The following MAP2K6 variants were observed in gnomAD, a reference collection of about 807,000 sequenced individuals.
MAP2K6 encodes mitogen-activated protein kinase kinase 6.
A neutral mutation model predicts 53.7 loss-of-function variants in MAP2K6; 16 were observed. The observed-to-expected ratio is 0.30, with a 90% CI of 0.20 to 0.45. The LOEUF (loss-of-function observed/expected upper bound fraction) is 0.45, where lower values mean the gene tolerates loss of function less well. MAP2K6 is among the 20% of genes least tolerant of loss of function. The probability of loss-of-function intolerance (pLI) is 1.00; values close to 1 mark genes in which losing one functional copy is unlikely to be tolerated. For synonymous variants in MAP2K6, 132 were observed against 143.1 expected (o/e 0.92, Z 0.55); for missense variants, 204 against 411.9 (o/e 0.50, Z 4.37).
intron 1 of MAP2K6, among the ~76,000 whole-genome samples, chr17:69,439,298 A>G (rs1381718567): frequency 2.6e-5 from 4 of 152,176 alleles, no homozygotes; most frequent in African/African-American, 9.7e-5. Context: ...AAAAAGATTG[A>G]GTCTATCTAA....
At chr17:69,499,666 CT>C (rs772600216) in intron 1 of MAP2K6, among the ~76,000 whole-genome samples, 2 of 152,084 alleles carry the variant, frequency 1.3e-5, no homozygotes, top group Non-Finnish European at 2.9e-5. Flanking sequence ...TGTGCAGGTG[CT>C]GGGCAAAATC....
chr17:69,416,914 G>A (rs991798774), intron 1 of MAP2K6, among the ~76,000 whole-genome samples: 8 of 152,152 alleles, frequency 5.3e-5, no homozygotes, highest in Non-Finnish European at 8.8e-5. Context: ...CACTATGAAC[G>A]TGGCTCCCTC....
intron 3 of MAP2K6, 148 bp from the exon 4 acceptor site, chr17:69,517,352 C>G: frequency 2.1e-6 from 1 of 476,444 alleles, no homozygotes; most frequent in Non-Finnish European, 3.7e-6. Flanking sequence ...TAGCTTCTTG[C>G]TTTCAGAGGC....
chr17:69,553,220 A>T lies in MAP2K6; in HGVS notation c.*11467A>T, dbSNP rs1912168103. On this transcript the variant is annotated 3_prime_UTR_variant, in exon 12 of 12. Transcript: ENST00000590474. ...ATTTTGCCTTACAAGTATGTAGGTC[A>T]TTCTGTGGTGGGATTTCCCATCACA... 1 of 152,194 alleles carries T rather than the reference A, an allele frequency of 6.6e-6. No individual in the cohort carries two copies. The highest frequency in any genetic ancestry group is 2.4e-5 in the African/African-American group (1 of 41,454). The allele number at this position is 152,194 out of a possible 1,614,324, so 9.4% of individuals were successfully genotyped here.
chr17:69,542,216 G>A lies in MAP2K6; in HGVS notation c.*463G>A, dbSNP rs1417999076. On this transcript the variant is annotated 3_prime_UTR_variant, in exon 12 of 12. Transcript: ENST00000590474. ...GGGAGATTCAAAAAAAAAATATAAG[G>A]TTGGGTTAGCAATATTTATAGGGCT... 1.3e-5 allele frequency: 2 copies of A among 152,506 alleles called. No individual in the cohort carries two copies. Among genetic ancestry groups the A allele is most frequent in the African/African-American group, 4.8e-5 (2 of 41,394 alleles). 9.4% of individuals were successfully genotyped at this position (152,506 alleles called of 1,614,324 possible). A position where few individuals can be genotyped will look rare whatever the true frequency, so the allele number is the denominator to read the frequency against.
At chr17:69,505,339 A>G in intron 1 of MAP2K6, 1 of 158,226 alleles carries the variant, frequency 6.3e-6, no homozygotes, top group Non-Finnish European at 1.4e-5. Context: ...GCTCCTCAGG[A>G]GGCTGAGGTA....
In MAP2K6 at chr17:69,545,705, TA is replaced by T. The variant is rs1274685661; in HGVS notation, c.*3953del. 6.6e-6 allele frequency: 1 copy of T among 152,194 alleles called. No individual in the cohort carries two copies. The highest frequency in any genetic ancestry group is 1.5e-5 in the Non-Finnish European group (1 of 68,054). The allele number at this position is 152,194 out of a possible 1,614,324, so 9.4% of individuals were successfully genotyped here. A position where few individuals can be genotyped will look rare whatever the true frequency, so the allele number is the denominator to read the frequency against. ...AGCAGTTTGCACAGTGTCCTGCATA[TA>T]TCACTATATTTCCCTTAAAAATTTC... On this transcript the variant is annotated 3_prime_UTR_variant, in exon 12 of 12. Coordinates refer to ENST00000590474, the MANE Select transcript of MAP2K6 (RefSeq NM_002758.4).
intron 1 of MAP2K6, among the ~76,000 whole-genome samples, chr17:69,419,207 G>C (rs1426754038): frequency 6.6e-6 from 1 of 151,946 alleles, no homozygotes; most frequent in African/African-American, 2.4e-5. Context: ...CCATTTTTTT[G>C]CACAGCTATA....
In MAP2K6 at chr17:69,543,909, G is replaced by A. The variant is rs540659576; in HGVS notation, c.*2156G>A. On this transcript the variant is annotated 3_prime_UTR_variant, in exon 12 of 12. Transcript: ENST00000590474. Reference sequence around the variant, plus strand: ...AGTTAGTCTATGGTTCTCAACCCTCGTGTACATTGGAACCATCTGGGAGCT... The same window carrying A: ...AGTTAGTCTATGGTTCTCAACCCTCATGTACATTGGAACCATCTGGGAGCT... 3.3e-5 allele frequency: 5 copies of A among 152,268 alleles called. No individual in the cohort carries two copies. The South Asian group carries it at 8.3e-4, about 25-fold the overall frequency. 9.4% of individuals were successfully genotyped at this position (152,268 alleles called of 1,614,324 possible).
intron 1 of MAP2K6, among the ~76,000 whole-genome samples, chr17:69,467,439 C>T (rs995868786): frequency 6.6e-6 from 1 of 152,138 alleles, no homozygotes; most frequent in Non-Finnish European, 1.5e-5. Context: ...TTGAGATAAT[C>T]AGGAGGGGGA....
intron 1 of MAP2K6, among the ~76,000 whole-genome samples, chr17:69,418,197 A>G (rs1318389477): frequency 6.6e-6 from 1 of 152,178 alleles, no homozygotes. Flanking sequence ...CAGAATAGGT[A>G]GCTTGGGTTT....
chr17:69,466,456 T>C (rs1035025757), intron 1 of MAP2K6, among the ~76,000 whole-genome samples: 1 of 152,208 alleles, frequency 6.6e-6, no homozygotes, highest in East Asian at 1.9e-4. Context: ...TTTACTATGA[T>C]CTCCGTTTTC....
At chr17:69,454,580 A>G (rs576861651) in intron 1 of MAP2K6, among the ~76,000 whole-genome samples, 2 of 149,638 alleles carry the variant, frequency 1.3e-5, no homozygotes, top group African/African-American at 4.9e-5. Flanking sequence ...TTTAGTAGAG[A>G]TGGGGTTTCG....
At chr17:69,507,635 T>C (rs1909580527) in intron 2 of MAP2K6, among the ~76,000 whole-genome samples, 1 of 152,210 alleles carries the variant, frequency 6.6e-6, no homozygotes, top group Non-Finnish European at 1.5e-5. Flanking sequence ...TTCATGTAAA[T>C]AATTGCATGT....
chr17:69,517,159 T>C (rs535106543), intron 3 of MAP2K6, among the ~76,000 whole-genome samples: 1 of 151,490 alleles, frequency 6.6e-6, no homozygotes, highest in Non-Finnish European at 1.5e-5. Context: ...AGCTCAGACA[T>C]AATCTAGTTG....
At position 69,491,308 on chromosome 17, in the gene MAP2K6, T is replaced by G. The variant is rs528215614; in HGVS notation, c.17-14472T>G. Among the ~76,000 whole-genome samples the G allele has an allele frequency of 2.0e-5, 3 of 152,232 alleles. No individual in the cohort carries two copies. In the East Asian group the frequency reaches 5.8e-4, roughly 29 times the overall value. ...ACAGGCACGTGCCACCACGCCCGGCTAATTTTTGTATTTTTAGTAGAGACG... is the reference window on the plus strand; with the variant it reads ...ACAGGCACGTGCCACCACGCCCGGCGAATTTTTGTATTTTTAGTAGAGACG... On this transcript the variant is annotated intron_variant, in intron 1 of 11. Transcript: ENST00000590474.
chr17:69,520,347 G>C lies in MAP2K6; in HGVS notation c.444G>C (p.Gln148His), dbSNP rs770713723. Reference sequence around the variant, plus strand: ...ACAAACAAGTTATTGATAAAGGCCAGACAATTCCAGAGGACATCTTAGGGA... The same window carrying C: ...ACAAACAAGTTATTGATAAAGGCCACACAATTCCAGAGGACATCTTAGGGA... Reference protein sequence around the residue: ...KFYKQVIDKGQTIPEDILGKI... With the variant: ...KFYKQVIDKGHTIPEDILGKI... Residue 148 changes from glutamine (Q) to histidine (H), a missense_variant, in exon 6 of 12, where the codon CAG (glutamine) becomes CAC (histidine). Gln to His is a conservative substitution (Grantham distance 24). Around this residue, in one of 3 missense-constraint regions of MAP2K6, gnomAD observed 129 missense variants for 247.1 expected, o/e 0.52. Transcript: ENST00000590474. 1 of 1,612,110 alleles carries C rather than the reference G, an allele frequency of 6.2e-7. No individual in the cohort carries two copies. Among genetic ancestry groups the C allele is most frequent in the Non-Finnish European group, 8.5e-7 (1 of 1,179,010 alleles).
chr17:69,419,249 A>G (rs1567811596), intron 1 of MAP2K6, among the ~76,000 whole-genome samples: 4 of 152,212 alleles, frequency 2.6e-5, no homozygotes, highest in South Asian at 2.1e-4. Flanking sequence ...TGGAACATAC[A>G]TCTTTATACA....
intron 1 of MAP2K6, among the ~76,000 whole-genome samples, chr17:69,416,456 G>A (rs1567810775): frequency 6.6e-6 from 1 of 152,312 alleles, no homozygotes; most frequent in Non-Finnish European, 1.5e-5. Flanking sequence ...GTTCAGAAGA[G>A]GCAGTCCATG....
Sources: allele counts gnomAD v4.1 joint callset (sites outside exome capture counted in the v4.1 genomes callset), GRCh38; gene constraint gnomAD v4.1.1; regional missense constraint gnomAD v4.1.1; transcripts MANE v1.5; gene names NCBI Gene and HGNC (gene_info 2026-07-23, HGNC 2026-07-21).